Variants in DHX32 observed in about 807,000 individuals in gnomAD.
The protein encoded by DHX32 is DEAH-box helicase 32 (putative).
A neutral mutation model predicts 70.0 loss-of-function variants in DHX32; 51 were observed. That is an observed-to-expected ratio of 0.73 (90% CI 0.58 to 0.92). DHX32 has a LOEUF of 0.92. DHX32 is among the 40% of genes least tolerant of loss of function. The pLI is 0.00. For missense variants in DHX32, 762 were observed against 891.8 expected (o/e 0.85, Z 1.85); for synonymous variants, 310 against 315.3 (o/e 0.98, Z 0.18).
intron 7 of DHX32, chr10:125,841,534 G>C: frequency 2.1e-6 from 3 of 1,427,724 alleles, no homozygotes; most frequent in Non-Finnish European, 2.7e-6. Context: ...GCTGAACTTT[G>C]AGTTAGTTTT....
At chr10:125,896,015 G>A (rs1273214953) in intron 1 of DHX32, among the ~76,000 whole-genome samples, 1 of 152,294 alleles carries the variant, frequency 6.6e-6, no homozygotes, top group African/African-American at 2.4e-5. Context: ...CCGTCCTCCC[G>A]CTGAGGCGCG....
chr10:125,864,976 A>G (rs1019018331), intron 2 of DHX32, among the ~76,000 whole-genome samples: 1 of 147,358 alleles, frequency 6.8e-6, no homozygotes, highest in Non-Finnish European at 1.5e-5. Flanking sequence ...AAGAAAGAAA[A>G]AGAAATATCT....
intron 3 of DHX32, chr10:125,854,549 T>C (rs1944129535): frequency 5.8e-6 from 1 of 173,042 alleles, no homozygotes; most frequent in Admixed American, 6.2e-5. Context: ...CCATACCATT[T>C]GTAGAATGGG....
intron 6 of DHX32, 21 bp from the exon 7 acceptor site, chr10:125,841,955 T>C (rs1854893171): frequency 6.4e-7 from 1 of 1,567,764 alleles, no homozygotes; most frequent in Non-Finnish European, 8.6e-7. Flanking sequence ...AAAAAAATAA[T>C]AATTTAAGAG....
At chr10:125,894,083 C>A (rs1156663766) in intron 1 of DHX32, among the ~76,000 whole-genome samples, 7 of 150,990 alleles carry the variant, frequency 4.6e-5, no homozygotes, top group South Asian at 2.1e-4. Flanking sequence ...TAGTAATGAG[C>A]TTGGAGACTT....
At chr10:125,886,375 T>C (rs1211929971) in intron 1 of DHX32, among the ~76,000 whole-genome samples, 1 of 152,236 alleles carries the variant, frequency 6.6e-6, no homozygotes, top group African/African-American at 2.4e-5. Context: ...GTATACATTT[T>C]CCCTCTTTGT....
At chr10:125,846,245 C>CT (rs1944017600) in intron 6 of DHX32, among the ~76,000 whole-genome samples, 1 of 152,178 alleles carries the variant, frequency 6.6e-6, no homozygotes, top group Admixed American at 6.5e-5. Flanking sequence ...GCTGAAGACT[C>CT]TCCCCACCCT....
At chr10:125,894,817 T>A (rs1944419254) in intron 1 of DHX32, among the ~76,000 whole-genome samples, 3 of 152,308 alleles carry the variant, frequency 2.0e-5, no homozygotes, top group Non-Finnish European at 4.4e-5. Context: ...TCACTCTATT[T>A]GTATCTTGAA....
At chr10:125,838,787 GAT>G (rs1032923713) in intron 9 of DHX32, among the ~76,000 whole-genome samples, 54 of 152,336 alleles carry the variant, frequency 3.5e-4, no homozygotes, top group African/African-American at 1.1e-3. Flanking sequence ...AATCCATAAT[GAT>G]ATGTCATTTT....
At chr10:125,894,803 C>T (rs796498875) in intron 1 of DHX32, among the ~76,000 whole-genome samples, 4 of 152,302 alleles carry the variant, frequency 2.6e-5, no homozygotes, top group Non-Finnish European at 5.9e-5. Context: ...TTATGATATA[C>T]TGATCACTCT....
chr10:125,844,355 C>G (rs1195269967), intron 6 of DHX32, among the ~76,000 whole-genome samples: 4 of 152,294 alleles, frequency 2.6e-5, no homozygotes, highest in African/African-American at 9.6e-5. Flanking sequence ...GGCAATGGTC[C>G]CTTTAAGCAT....
intron 7 of DHX32, 25 bp from the exon 8 acceptor site, chr10:125,841,021 G>C (rs1854862987): frequency 3.2e-6 from 5 of 1,585,654 alleles, no homozygotes; most frequent in Non-Finnish European, 4.3e-6. Flanking sequence ...AGGTCACATG[G>C]TTAGCAATAA....
At chr10:125,877,638 A>G (rs931964263) in intron 1 of DHX32, among the ~76,000 whole-genome samples, 1 of 152,182 alleles carries the variant, frequency 6.6e-6, no homozygotes, top group Admixed American at 6.5e-5. Flanking sequence ...GTAAGCCAAG[A>G]CTGCCCCACT....
intron 1 of DHX32, among the ~76,000 whole-genome samples, chr10:125,876,100 A>T (rs996856730): frequency 6.6e-6 from 1 of 152,222 alleles, no homozygotes; most frequent in Non-Finnish European, 1.5e-5. Context: ...ATAGACCAGT[A>T]ACTCCTCTGT....
At chr10:125,890,996 A>T (rs1335955719) in intron 1 of DHX32, among the ~76,000 whole-genome samples, 1 of 152,162 alleles carries the variant, frequency 6.6e-6, no homozygotes, top group Non-Finnish European at 1.5e-5. Flanking sequence ...CCCCGAGCTC[A>T]ATCAATGTTT....
At chr10:125,870,708 G>A (rs1944250842) in intron 1 of DHX32, among the ~76,000 whole-genome samples, 2 of 151,976 alleles carry the variant, frequency 1.3e-5, no homozygotes, top group Admixed American at 1.3e-4. Context: ...GTGGTGGTGG[G>A]TGCCTGTAAT....
chr10:125,879,325 A>G (rs1944304168), intron 1 of DHX32, among the ~76,000 whole-genome samples: 1 of 151,974 alleles, frequency 6.6e-6, no homozygotes, highest in Non-Finnish European at 1.5e-5. Context: ...CACCTGGCCC[A>G]CTATCCCGTT....
chr10:125,876,265 T>A (rs1326296735), intron 1 of DHX32, among the ~76,000 whole-genome samples: 1 of 152,238 alleles, frequency 6.6e-6, no homozygotes, highest in Non-Finnish European at 1.5e-5. Flanking sequence ...AGAGGCTGAT[T>A]GGAGTAATAG....
intron 4 of DHX32, chr10:125,853,408 A>T: frequency 2.7e-6 from 1 of 368,762 alleles, no homozygotes; most frequent in Non-Finnish European, 4.8e-6. Flanking sequence ...CCTTGTTTTC[A>T]TTTTTTCTAA....
Sources: allele counts gnomAD v4.1 joint callset (sites outside exome capture counted in the v4.1 genomes callset), GRCh38; gene constraint gnomAD v4.1.1; transcripts MANE v1.5; gene names NCBI Gene and HGNC (gene_info 2026-07-23, HGNC 2026-07-21).